INSR: variants seen among roughly 807,000 people sequenced by gnomAD.
INSR encodes the protein insulin receptor, also known as IR.
Under a neutral mutation model 142.6 loss-of-function variants are expected in INSR, and 67 were observed. That is an observed-to-expected ratio of 0.47 (90% CI 0.39 to 0.58). The LOEUF (loss-of-function observed/expected upper bound fraction) is 0.58. Ranked by LOEUF, INSR falls within the 20% of genes least tolerant of loss-of-function variation. The pLI, the probability that INSR is intolerant of heterozygous loss-of-function variation, is 0.00. For missense variants in INSR, 1,248 were observed against 1,833.2 expected, an observed-to-expected ratio of 0.68 and a Z score of 5.83; for synonymous variants, 756 against 743.1, an observed-to-expected ratio of 1.02 and a Z score of -0.28.
intron 2 of INSR, among the ~76,000 whole-genome samples, chr19:7,191,188 T>C (rs1329412455): frequency 6.6e-6 from 1 of 151,794 alleles, no homozygotes. Context: ...TCCCAGCTAC[T>C]TGGGAGGCTG....
At position 7,170,583 on chromosome 19, in the gene INSR, C is replaced by T; in HGVS notation, c.1437G>A (p.Gln479=). 1 of 1,613,636 alleles carries T rather than the reference C, an allele frequency of 6.2e-7. No homozygotes were observed. The highest frequency in any genetic ancestry group is 8.5e-7 in the Non-Finnish European group (1 of 1,179,908). The change falls in exon 6 of 22, where the codon CAG becomes CAA. Residue 479 remains glutamine (Q), a synonymous_variant. Coordinates refer to ENST00000302850, the MANE Select transcript of INSR (RefSeq NM_000208.4). ...MEEVSGTKGR[Q]ERNDIALKTN... The stretch of plus-strand genomic sequence containing the variant: ...TCTTCAGGGCAATGTCGTTTCTCTC[C>T]TGGCGCCCCTTGGTTCCTGAAACTT...
At chr19:7,147,754 G>A (rs192080258) in intron 11 of INSR, among the ~76,000 whole-genome samples, 7 of 152,252 alleles carry the variant, frequency 4.6e-5, no homozygotes, top group Non-Finnish European at 1.0e-4. Context: ...AATGGGTCTC[G>A]TGAAAATAAC....
intron 1 of INSR, among the ~76,000 whole-genome samples, chr19:7,293,471 G>A (rs948831728): frequency 2.0e-5 from 3 of 152,220 alleles, no homozygotes; most frequent in African/African-American, 7.2e-5. Flanking sequence ...TCGTGTCTCC[G>A]GAGCGACTTG....
chr19:7,174,391 A>G (rs577485135), intron 4 of INSR, among the ~76,000 whole-genome samples, 192 bp downstream of exon 4: 1 of 152,236 alleles, frequency 6.6e-6, no homozygotes, highest in Non-Finnish European at 1.5e-5. Flanking sequence ...TAAGGCCAAG[A>G]CTGAGCTGTT....
At chr19:7,212,022 G>A (rs1354194009) in intron 2 of INSR, among the ~76,000 whole-genome samples, 1 of 152,126 alleles carries the variant, frequency 6.6e-6, no homozygotes, top group Middle Eastern at 3.2e-3. Flanking sequence ...CCTCAGGACT[G>A]GTGGTATTCA....
intron 9 of INSR, among the ~76,000 whole-genome samples, chr19:7,158,413 A>G (rs994991909): frequency 1.3e-5 from 2 of 152,164 alleles, no homozygotes; most frequent in African/African-American, 2.4e-5. Context: ...ACGCAGGAGA[A>G]TGGCGTGAAC....
At chr19:7,284,292 G>A (rs1181361770) in intron 1 of INSR, among the ~76,000 whole-genome samples, 1 of 151,490 alleles carries the variant, frequency 6.6e-6, no homozygotes, top group Non-Finnish European at 1.5e-5. Context: ...CTCAAACTCT[G>A]GCCTCAAGTG....
intron 4 of INSR, among the ~76,000 whole-genome samples, chr19:7,173,764 C>T (rs11671458): frequency 0.2 from 30,715 of 151,344 alleles, 3,412 homozygotes; most frequent in South Asian, 0.25. Context: ...GGATTACAGG[C>T]ACGCACCACC....
intron 2 of INSR, among the ~76,000 whole-genome samples, chr19:7,248,754 ATTTTT>A (rs552940485): frequency 2.1e-5 from 2 of 97,286 alleles, no homozygotes; most frequent in Non-Finnish European, 1.9e-5. Context: ...GTTGGCCAGA[ATTTTT>A]TTTTTTTTTT....
chr19:7,264,389 A>G (rs1337108296), intron 2 of INSR, among the ~76,000 whole-genome samples: 1 of 152,228 alleles, frequency 6.6e-6, no homozygotes, highest in South Asian at 2.1e-4. Context: ...AGCAGGGAGC[A>G]GGAGACTCAA....
Position 7,113,691 on chromosome 19 carries a change from G to T in INSR, c.*3365C>A, listed in dbSNP as rs561270909. The stretch of plus-strand genomic sequence containing the variant: ...GCAACTTAACACTACAAACTCCCAG[G>T]ACAACCGTGTCTTTCTAGGACCAAA... On this transcript the variant is annotated 3_prime_UTR_variant, in exon 22 of 22. Transcript: ENST00000302850. 7.9e-5 allele frequency: 12 copies of T among 152,270 alleles called. 1 individual carries two copies. The South Asian group carries it at 2.5e-3, about 32-fold the overall frequency. 9.4% of individuals were successfully genotyped at this position (152,270 alleles called of 1,614,324 possible).
intron 11 of INSR, among the ~76,000 whole-genome samples, chr19:7,148,591 C>T (rs1175469109): frequency 1.3e-5 from 2 of 148,808 alleles, no homozygotes; most frequent in Non-Finnish European, 3.0e-5. Flanking sequence ...GATTCTCCTG[C>T]CTCGGCCTCC....
chr19:7,187,977 C>A (rs1179431700), intron 2 of INSR, among the ~76,000 whole-genome samples: 1 of 152,074 alleles, frequency 6.6e-6, no homozygotes, highest in African/African-American at 2.4e-5. Context: ...GGGTCTAATC[C>A]CTGCCAGTCT....
chr19:7,261,180 G>A (rs1977052617), intron 2 of INSR, among the ~76,000 whole-genome samples: 2 of 151,944 alleles, frequency 1.3e-5, no homozygotes, highest in Admixed American at 1.3e-4. Flanking sequence ...GAGCCACCGC[G>A]TCCAGCTGGC....
intron 17 of INSR, among the ~76,000 whole-genome samples, chr19:7,123,920 C>A (rs937030398): frequency 6.7e-6 from 1 of 149,462 alleles, no homozygotes; most frequent in Non-Finnish European, 1.5e-5. Flanking sequence ...GAGACTCTGT[C>A]TTAAAAATAT....
chr19:7,235,858 G>A (rs992556780), intron 2 of INSR, among the ~76,000 whole-genome samples: 2 of 151,172 alleles, frequency 1.3e-5, no homozygotes, highest in Non-Finnish European at 2.9e-5. Context: ...TAATAATAAA[G>A]ATTGACAATA....
chr19:7,221,410 A>G (rs1362438352), intron 2 of INSR, among the ~76,000 whole-genome samples: 8 of 120,792 alleles, frequency 6.6e-5, no homozygotes, highest in East Asian at 3.0e-4. Flanking sequence ...AGGAGGAAAG[A>G]AGAAGAAGAA....
At chr19:7,248,754 A>ATT (rs552940485) in intron 2 of INSR, among the ~76,000 whole-genome samples, 4 of 97,288 alleles carry the variant, frequency 4.1e-5, no homozygotes, top group African/African-American at 4.5e-5. Context: ...GTTGGCCAGA[A>ATT]TTTTTTTTTT....
At chr19:7,287,262 C>A (rs1011826819) in intron 1 of INSR, among the ~76,000 whole-genome samples, 1 of 150,508 alleles carries the variant, frequency 6.6e-6, no homozygotes, top group East Asian at 2.0e-4. Flanking sequence ...CAGGTTCAAG[C>A]GATTCTCCTG....
Sources: gnomAD v4.1 joint callset for allele counts (sites outside exome capture counted in the v4.1 genomes callset) on GRCh38, gnomAD v4.1.1 for gene constraint, MANE v1.5 for transcripts, NCBI Gene and HGNC (gene_info 2026-07-23, HGNC 2026-07-21) for gene names.